The following ARHGAP10 variants were observed in gnomAD, a reference collection of about 807,000 sequenced individuals.
ARHGAP10 encodes the protein Rho GTPase activating protein 10.
In ARHGAP10, 87 loss-of-function variants were observed where a neutral mutation model predicts 108.6. The observed-to-expected ratio is 0.80, with a 90% CI of 0.67 to 0.96. The LOEUF (loss-of-function observed/expected upper bound fraction) is 0.96. Among genes scored for constraint, ARHGAP10 ranks in the 40% least tolerant of loss-of-function variants. ARHGAP10 has a pLI of 0.00. For missense variants in ARHGAP10, 939 were observed against 954.5 expected (o/e 0.98, Z 0.21); for synonymous variants, 347 against 341.1 (o/e 1.02, Z -0.19).
At chr4:148,056,714 C>A (rs757988646) in intron 20 of ARHGAP10, among the ~76,000 whole-genome samples, 1 of 152,202 alleles carries the variant, frequency 6.6e-6, no homozygotes, top group Non-Finnish European at 1.5e-5. Flanking sequence ...AAGCTCAAAT[C>A]CAGGATGCCA....
At position 147,895,805 on chromosome 4, in the gene ARHGAP10, A is replaced by G. The variant is rs555078479; in HGVS notation, c.1035-10833A>G. Among the ~76,000 whole-genome samples the G allele has an allele frequency of 1.2e-4, 18 of 152,180 alleles. 1 individual carries two copies. Among genetic ancestry groups the G allele is most frequent in the African/African-American group, 4.3e-4 (18 of 41,514 alleles). ...TAAAACGTTTGGCAGAAGTGGTGTT[A>G]TTGGCCATCTTGCCTTGTTCCTGAT... On this transcript the variant is annotated intron_variant, in intron 10 of 22. Coordinates refer to ENST00000336498, the MANE Select transcript of ARHGAP10 (RefSeq NM_024605.4).
rs964792596 is a variant in ARHGAP10, at chr4:147,879,091, A to G, written c.833-141A>G. 2.7e-5 allele frequency: 16 copies of G among 597,390 alleles called. No individual in the cohort carries two copies. In the African/African-American group the frequency reaches 2.8e-4, roughly 11 times the overall value. 37.0% of individuals were successfully genotyped at this position (597,390 alleles called of 1,614,324 possible). A position where few individuals can be genotyped will look rare whatever the true frequency, so the allele number is the denominator to read the frequency against. On this transcript the variant is annotated intron_variant, in intron 8 of 22. Transcript: ENST00000336498. ...GGCCTCCCCTCTTCTTCTTAGAACT[A>G]GCAGTATTGCTGATTTGTTTCATTG...
chr4:147,854,857 G>A, intron 4 of ARHGAP10: 2 of 985,390 alleles, frequency 2.0e-6, no homozygotes, highest in Non-Finnish European at 1.2e-6. Context: ...GTGTGATGTT[G>A]TTATTGTTGT....
At chr4:147,823,132 C>T (rs575105798) in intron 3 of ARHGAP10, among the ~76,000 whole-genome samples, 175 bp downstream of exon 3, 21 of 152,144 alleles carry the variant, frequency 1.4e-4, no homozygotes, top group Non-Finnish European at 2.8e-4. Context: ...AGGGTGCTGA[C>T]CACGGTCAGA....
At chr4:147,741,561 A>G (rs1049357527) in intron 1 of ARHGAP10, among the ~76,000 whole-genome samples, 1 of 152,148 alleles carries the variant, frequency 6.6e-6, no homozygotes. Context: ...CAGGGACTGG[A>G]TGGTATCTTG....
chr4:147,909,446 C>G (rs1736640599), intron 11 of ARHGAP10, among the ~76,000 whole-genome samples: 3 of 152,148 alleles, frequency 2.0e-5, no homozygotes, highest in Admixed American at 1.3e-4. Context: ...CTGAGATGGC[C>G]TATCCAGGGG....
intron 10 of ARHGAP10, 144 bp downstream of exon 10, chr4:147,882,076 G>T: frequency 1.3e-6 from 1 of 753,870 alleles, no homozygotes. Flanking sequence ...TTCATTATAA[G>T]CTGTTTAGTC....
chr4:147,866,242 C>G lies in ARHGAP10; in HGVS notation c.598-470C>G, dbSNP rs188467944. On this transcript the variant is annotated intron_variant, in intron 6 of 22. Coordinates refer to ENST00000336498, the MANE Select transcript of ARHGAP10 (RefSeq NM_024605.4). ...TGGTAGGAAAGTAAAGGTTTAATTACGGGTTTGAGGCTGCCCCTGGCAAGT... is the reference window on the plus strand; with the variant it reads ...TGGTAGGAAAGTAAAGGTTTAATTAGGGGTTTGAGGCTGCCCCTGGCAAGT... 49 of 152,926 alleles carry G rather than the reference C, an allele frequency of 3.2e-4. No homozygotes were observed. The South Asian group carries it at 3.3e-3, about 10-fold the overall frequency. 9.5% of individuals were successfully genotyped at this position (152,926 alleles called of 1,614,324 possible).
At chr4:147,736,150 G>GTGTGTGTC (rs1553944275) in intron 1 of ARHGAP10, among the ~76,000 whole-genome samples, 214 of 152,024 alleles carry the variant, frequency 1.4e-3, no homozygotes, top group African/African-American at 5.0e-3. Flanking sequence ...GTGTGTGTGT[G>GTGTGTGTC]TGTGAAGCTA....
intron 19 of ARHGAP10, among the ~76,000 whole-genome samples, chr4:148,036,290 A>G (rs1188760863): frequency 6.6e-6 from 1 of 152,088 alleles, no homozygotes; most frequent in Non-Finnish European, 1.5e-5. Flanking sequence ...ATAGTGCTTC[A>G]TGAAGAAAAT....
chr4:147,776,914 G>A (rs1288804511), intron 1 of ARHGAP10, among the ~76,000 whole-genome samples: 1 of 152,182 alleles, frequency 6.6e-6, no homozygotes, highest in Non-Finnish European at 1.5e-5. Flanking sequence ...TAAAAGCTTT[G>A]GGGTGGGCTC....
At chr4:147,878,324 T>G (rs1381478109) in intron 8 of ARHGAP10, among the ~76,000 whole-genome samples, 1 of 152,204 alleles carries the variant, frequency 6.6e-6, no homozygotes, top group African/African-American at 2.4e-5. Flanking sequence ...CTCCATCTCC[T>G]GACTTCGTGA....
At chr4:147,930,594 T>G (rs1215263487) in intron 13 of ARHGAP10, among the ~76,000 whole-genome samples, 1 of 152,212 alleles carries the variant, frequency 6.6e-6, no homozygotes, top group Non-Finnish European at 1.5e-5. Flanking sequence ...ATATAAGTAC[T>G]CAGCAATTCC....
rs779515741 is a variant in ARHGAP10, at chr4:148,044,481, G to A, written c.1868-2411G>A. 2.0e-5 allele frequency among the ~76,000 whole-genome samples: 3 copies of A among 152,114 alleles called. No individual in the cohort carries two copies. The South Asian group carries it at 6.2e-4, about 32-fold the overall frequency. On this transcript the variant is annotated intron_variant, in intron 19 of 22. Coordinates refer to ENST00000336498, the MANE Select transcript of ARHGAP10 (RefSeq NM_024605.4). The stretch of plus-strand genomic sequence containing the variant: ...GCCTCCTGCAGCCAGGGAGCTGCTG[G>A]CATCTGACTTGCTGTGAAGGTGATC...
intron 10 of ARHGAP10, among the ~76,000 whole-genome samples, chr4:147,885,939 A>G (rs550792188): frequency 1.2e-4 from 18 of 152,298 alleles, no homozygotes; most frequent in African/African-American, 4.3e-4. Flanking sequence ...AAATGCAAAA[A>G]TTTTTTAGCA....
At chr4:147,895,504 C>T (rs2126891544) in intron 10 of ARHGAP10, among the ~76,000 whole-genome samples, 1 of 129,202 alleles carries the variant, frequency 7.7e-6, no homozygotes, top group East Asian at 2.2e-4. Flanking sequence ...GATAATGAGA[C>T]CCTGTCTCAA....
intron 18 of ARHGAP10, among the ~76,000 whole-genome samples, chr4:147,997,605 A>G (rs1382399097): frequency 6.6e-6 from 1 of 152,238 alleles, no homozygotes; most frequent in Non-Finnish European, 1.5e-5. Context: ...AGAAGGCATC[A>G]ACACAGGTAT....
intron 1 of ARHGAP10, among the ~76,000 whole-genome samples, chr4:147,784,660 AATATATATTAT>A (rs1205677451): frequency 0.37 from 6,206 of 16,722 alleles, 1,328 homozygotes; most frequent in African/African-American, 0.44. Flanking sequence ...TATATTATAA[AATATATATTAT>A]ATATTATAAA....
At chr4:148,023,145 G>C (rs1057338874) in intron 18 of ARHGAP10, 118 bp from the exon 19 acceptor site, 1 of 1,115,866 alleles carries the variant, frequency 9.0e-7, no homozygotes, top group Non-Finnish European at 1.2e-6. Flanking sequence ...AATGGATTTT[G>C]GGCTCTAGCC....
Sources: allele counts gnomAD v4.1 joint callset (sites outside exome capture counted in the v4.1 genomes callset), GRCh38; gene constraint gnomAD v4.1.1; transcripts MANE v1.5; gene names NCBI Gene and HGNC (gene_info 2026-07-23, HGNC 2026-07-21).